Variants in ANKRD33B observed in about 807,000 individuals in gnomAD.
The protein encoded by ANKRD33B is ankyrin repeat domain-containing protein 33B.
A neutral mutation model predicts 21.5 loss-of-function variants in ANKRD33B; 6 were observed. That is an observed-to-expected ratio of 0.28 (90% confidence interval 0.15 to 0.55). The LOEUF is 0.55. Among genes scored for constraint, ANKRD33B ranks in the 20% least tolerant of loss-of-function variants. ANKRD33B has a pLI of 0.94. For synonymous variants in ANKRD33B, 347 were observed against 342.4 expected (o/e 1.01, Z -0.15); for missense variants, 698 against 747.2 (o/e 0.93, Z 0.77).
At chr5:10,636,609 T>A (rs1387766018) in intron 2 of ANKRD33B, among the ~76,000 whole-genome samples, 4 of 152,076 alleles carry the variant, frequency 2.6e-5, no homozygotes, top group Admixed American at 6.5e-5. Context: ...AAAGAGAGAC[T>A]CCATCTCTTA....
At chr5:10,583,331 C>T (rs930152056) in intron 1 of ANKRD33B, among the ~76,000 whole-genome samples, 3 of 152,166 alleles carry the variant, frequency 2.0e-5, no homozygotes, top group South Asian at 2.1e-4. Flanking sequence ...ATTCAAGTAT[C>T]GTGCCCTGTT....
At chr5:10,597,049 A>G (rs1735833527) in intron 1 of ANKRD33B, among the ~76,000 whole-genome samples, 1 of 152,212 alleles carries the variant, frequency 6.6e-6, no homozygotes. Context: ...TGAAGGTAGC[A>G]CTAAATATGG....
At position 10,637,425 on chromosome 5, in the gene ANKRD33B, G is replaced by GAGACACACACACACAC. The variant is rs1275126479; in HGVS notation, c.497-602_497-601insGACACACACACACACA. ...GGATGTGTGTGGGCGTAGGTAGTTA[G>GAGACACACACACACAC]ACACACACACACACACACACACACA... On this transcript the variant is annotated intron_variant, in intron 2 of 3. Coordinates refer to ENST00000296657, the MANE Select transcript of ANKRD33B (RefSeq NM_001164440.2). Among the ~76,000 whole-genome samples the GAGACACACACACACAC allele has an allele frequency of 5.7e-4, 57 of 100,334 alleles. 1 individual carries two copies. The highest frequency in any genetic ancestry group is 2.4e-3 in the African/African-American group (56 of 22,944). 65.8% of individuals were successfully genotyped at this position (100,334 alleles called of 152,430 possible).
intron 1 of ANKRD33B, among the ~76,000 whole-genome samples, chr5:10,587,196 G>A (rs1170849672): frequency 6.6e-6 from 1 of 152,012 alleles, no homozygotes; most frequent in Non-Finnish European, 1.5e-5. Context: ...TGTATTTTTA[G>A]TAGAGATGGG....
intron 1 of ANKRD33B, among the ~76,000 whole-genome samples, chr5:10,596,457 A>G (rs1735819088): frequency 1.3e-5 from 2 of 152,226 alleles, no homozygotes; most frequent in Admixed American, 6.5e-5. Flanking sequence ...GCCAAGGATA[A>G]TGCCTTCCAG....
intron 1 of ANKRD33B, among the ~76,000 whole-genome samples, chr5:10,586,018 A>G (rs559378784): frequency 1.3e-5 from 2 of 152,334 alleles, no homozygotes; most frequent in South Asian, 4.1e-4. Flanking sequence ...ACAGGCAGCA[A>G]CATAGGCTGT....
At chr5:10,575,327 G>A (rs950196215) in intron 1 of ANKRD33B, among the ~76,000 whole-genome samples, 5 of 151,712 alleles carry the variant, frequency 3.3e-5, no homozygotes, top group African/African-American at 1.2e-4. Flanking sequence ...GGAGGCTGAG[G>A]CAGGGGCAGA....
At chr5:10,623,044 G>A (rs772335877) in intron 2 of ANKRD33B, among the ~76,000 whole-genome samples, 7 of 152,124 alleles carry the variant, frequency 4.6e-5, no homozygotes, top group Non-Finnish European at 8.8e-5. Flanking sequence ...CTCCTGGGCT[G>A]TGTAGTTTTA....
Position 10,654,103 on chromosome 5 carries a change from A to G in ANKRD33B, c.*3990A>G, listed in dbSNP as rs1353829758. On this transcript the variant is annotated 3_prime_UTR_variant, in exon 4 of 4. Transcript: ENST00000296657. ...CCACCTACCCTAAGGTCTTCCAAGA[A>G]CAGAAAAGCCAGGGCCTGTGTGGGG... 1 of 152,470 alleles carries G rather than the reference A, an allele frequency of 6.6e-6. No homozygotes were observed. The highest frequency in any genetic ancestry group is 2.4e-5 in the African/African-American group (1 of 41,466). The allele number at this position is 152,470 out of a possible 1,614,324, so 9.4% of individuals were successfully genotyped here. A position where few individuals can be genotyped will look rare whatever the true frequency, so the allele number is the denominator to read the frequency against.
rs149974573 is a variant in ANKRD33B, at chr5:10,630,440, C to T, written c.497-7588C>T. Among the ~76,000 whole-genome samples, 101 of 152,282 alleles carry T rather than the reference C, an allele frequency of 6.6e-4. 1 individual carries two copies. The East Asian group carries it at 0.017, about 26-fold the overall frequency. On this transcript the variant is annotated intron_variant, in intron 2 of 3. Coordinates refer to ENST00000296657, the MANE Select transcript of ANKRD33B (RefSeq NM_001164440.2). ...TCACGCCTGCAAACATCCCATCGGC[C>T]AAGGTTCCACTAGACAGAGAACTGG...
intron 1 of ANKRD33B, 21 bp from the exon 2 acceptor site, chr5:10,618,312 G>T: frequency 9.1e-6 from 14 of 1,536,184 alleles, no homozygotes; most frequent in Non-Finnish European, 1.2e-5. Context: ...CCTCTGACCC[G>T]CTTCCCCTCT....
At position 10,585,887 on chromosome 5, in the gene ANKRD33B, G is replaced by T. The variant is rs571051068; in HGVS notation, c.366+21054G>T. The stretch of plus-strand genomic sequence containing the variant: ...CTCTCTGTCCTCACCTGAAGCAGTT[G>T]CATCCATCAGTCCTTCGCCCATCCC... On this transcript the variant is annotated intron_variant, in intron 1 of 3. Transcript: ENST00000296657. Among the ~76,000 whole-genome samples the T allele has an allele frequency of 6.9e-4, 105 of 152,316 alleles. 3 individuals are homozygous for T. In the South Asian group the frequency reaches 0.011, roughly 16 times the overall value.
intron 1 of ANKRD33B, among the ~76,000 whole-genome samples, chr5:10,572,003 T>C (rs944547246): frequency 3.3e-5 from 5 of 151,788 alleles, no homozygotes; most frequent in Admixed American, 1.3e-4. Context: ...ATTCTCCTGC[T>C]TCAGCCTCCC....
chr5:10,620,897 C>T (rs142316285), intron 2 of ANKRD33B, among the ~76,000 whole-genome samples: 7 of 152,316 alleles, frequency 4.6e-5, no homozygotes, highest in African/African-American at 1.7e-4. Flanking sequence ...TATGAATATC[C>T]TGTTTCCCCA....
chr5:10,621,831 A>G (rs1736428383), intron 2 of ANKRD33B, among the ~76,000 whole-genome samples: 1 of 152,124 alleles, frequency 6.6e-6, no homozygotes. Context: ...ATATGTTAAA[A>G]CCCCAACTCC....
chr5:10,623,286 C>G (rs1453064334), intron 2 of ANKRD33B, among the ~76,000 whole-genome samples: 1 of 152,184 alleles, frequency 6.6e-6, no homozygotes, highest in East Asian at 1.9e-4. Context: ...GCAGGGTTCA[C>G]TGAATTAGGT....
chr5:10,568,715 A>G (rs1436041278), intron 1 of ANKRD33B, among the ~76,000 whole-genome samples: 1 of 152,200 alleles, frequency 6.6e-6, no homozygotes, highest in Non-Finnish European at 1.5e-5. Flanking sequence ...TTGTATTTTT[A>G]GTAGAGACAG....
At chr5:10,597,292 G>C (rs983036813) in intron 1 of ANKRD33B, among the ~76,000 whole-genome samples, 2 of 152,150 alleles carry the variant, frequency 1.3e-5, no homozygotes, top group African/African-American at 2.4e-5. Context: ...TTCTTCAAGA[G>C]ACTCATCTCA....
intron 1 of ANKRD33B, among the ~76,000 whole-genome samples, chr5:10,594,815 T>G (rs755253211): frequency 8.5e-5 from 13 of 152,218 alleles, no homozygotes; most frequent in Non-Finnish European, 1.9e-4. Flanking sequence ...TGTGGGTCCT[T>G]CGGGGAAAGT....
Sources: allele counts gnomAD v4.1 joint callset (sites outside exome capture counted in the v4.1 genomes callset), GRCh38; gene constraint gnomAD v4.1.1; transcripts MANE v1.5; gene names NCBI Gene and HGNC (gene_info 2026-07-23, HGNC 2026-07-21).